Variants in RARB observed in about 807,000 individuals in gnomAD.
RARB encodes the protein retinoic acid receptor beta.
RARB carries 17 observed loss-of-function variants against 51.9 expected under a neutral mutation model. The observed-to-expected ratio is 0.33, with a 90% confidence interval of 0.22 to 0.49. The LOEUF is 0.49. RARB is among the 20% of genes least tolerant of loss of function. The pLI is 0.99. For missense variants in RARB, 369 were observed against 550.8 expected (o/e 0.67, Z 3.30); for synonymous variants, 215 against 195.4 (o/e 1.10, Z -0.84).
intron 5 of RARB, among the ~76,000 whole-genome samples, chr3:25,174,900 G>A (rs1471076860): frequency 6.6e-6 from 1 of 152,212 alleles, no homozygotes; most frequent in South Asian, 2.1e-4. Flanking sequence ...AATGGAAGCA[G>A]TGAATTAGGA....
chr3:25,390,668 TTATC>T (rs1399817035), intron 5 of RARB, among the ~76,000 whole-genome samples: 2 of 152,196 alleles, frequency 1.3e-5, no homozygotes, highest in Admixed American at 1.3e-4. Context: ...CCTATCATAT[TTATC>T]AAGTTTGGGC....
intron 3 of RARB, among the ~76,000 whole-genome samples, chr3:25,069,214 T>TCGA (rs1698722475): frequency 6.6e-6 from 1 of 151,512 alleles, no homozygotes; most frequent in African/African-American, 2.4e-5. Flanking sequence ...AGAAAGATTT[T>TCGA]TTTTTGAGTC....
At chr3:25,189,641 C>G (rs1701051290) in intron 5 of RARB, among the ~76,000 whole-genome samples, 1 of 152,070 alleles carries the variant, frequency 6.6e-6, no homozygotes, top group Admixed American at 6.6e-5. Context: ...AATCCCAGCA[C>G]TTTGAGAAGC....
At chr3:25,130,221 G>A (rs200357810) in intron 3 of RARB, among the ~76,000 whole-genome samples, 82 of 152,156 alleles carry the variant, frequency 5.4e-4, no homozygotes, top group African/African-American at 1.9e-3. Context: ...TCTTTACTGA[G>A]GACTTTTACA....
chr3:24,869,311 G>C (rs1328243236), intron 2 of RARB, among the ~76,000 whole-genome samples: 1 of 152,024 alleles, frequency 6.6e-6, no homozygotes, highest in African/African-American at 2.4e-5. Flanking sequence ...ATTGGAAAAA[G>C]ATTTTAAAGG....
At chr3:24,969,411 G>A (rs1230608019) in intron 2 of RARB, among the ~76,000 whole-genome samples, 8 of 152,066 alleles carry the variant, frequency 5.3e-5, no homozygotes, top group Non-Finnish European at 8.8e-5. Flanking sequence ...TAGTAATGAT[G>A]TCAGTAACAG....
At chr3:24,847,611 C>G (rs1299618400) in intron 1 of RARB, among the ~76,000 whole-genome samples, 1 of 152,188 alleles carries the variant, frequency 6.6e-6, no homozygotes, top group African/African-American at 2.4e-5. Flanking sequence ...AATAGGGTGA[C>G]CAGCTGTCTG....
chr3:25,042,590 G>A (rs1478093644), intron 2 of RARB, among the ~76,000 whole-genome samples: 1 of 152,164 alleles, frequency 6.6e-6, no homozygotes, highest in African/African-American at 2.4e-5. Context: ...GCTTCTGATG[G>A]GATGGGACAG....
chr3:25,432,057 T>C (rs544672407), intron 1 of RARB, among the ~76,000 whole-genome samples: 1 of 152,282 alleles, frequency 6.6e-6, no homozygotes, highest in African/African-American at 2.4e-5. Flanking sequence ...GACATAATTT[T>C]CTGCTTCTCG....
At chr3:25,193,352 C>G (rs918635542) in intron 5 of RARB, among the ~76,000 whole-genome samples, 45 of 151,962 alleles carry the variant, frequency 3.0e-4, no homozygotes, top group African/African-American at 1.0e-3. Flanking sequence ...CAGAGGAAGT[C>G]TGTTAAAAAA....
intron 2 of RARB, among the ~76,000 whole-genome samples, chr3:25,048,450 T>G (rs1698259947): frequency 6.6e-6 from 1 of 152,140 alleles, no homozygotes; most frequent in Non-Finnish European, 1.5e-5. Context: ...TGCAAAATGT[T>G]GTCCTGTTTT....
intron 2 of RARB, among the ~76,000 whole-genome samples, chr3:25,003,193 GC>G (rs1697203134): frequency 7.7e-6 from 1 of 129,276 alleles, no homozygotes. Context: ...AGATCATAAT[GC>G]AAAAAAAAAA....
intron 3 of RARB, among the ~76,000 whole-genome samples, chr3:25,063,406 A>G (rs754354177): frequency 3.9e-5 from 6 of 152,046 alleles, no homozygotes; most frequent in South Asian, 2.1e-4. Context: ...CTTGGACTCA[A>G]TTACATTGTT....
intron 2 of RARB, among the ~76,000 whole-genome samples, chr3:25,488,575 A>G (rs988955618): frequency 6.6e-6 from 1 of 152,146 alleles, no homozygotes; most frequent in African/African-American, 2.4e-5. Flanking sequence ...AGGGTCTGAC[A>G]CCCCATCTTT....
At position 24,987,652 on chromosome 3, in the gene RARB, G is replaced by A. The variant is rs550008896; in HGVS notation, c.-379-72473G>A. The stretch of plus-strand genomic sequence containing the variant: ...GCCCGGTTTTAAGAGAAAAATATAT[G>A]GGAAGATTATTTAGGTCTAAATCCT... On this transcript the variant is annotated intron_variant, in intron 2 of 11. Transcript: ENST00000383772. 1.1e-4 allele frequency among the ~76,000 whole-genome samples: 17 copies of A among 152,286 alleles called. No homozygotes were observed. In the South Asian group the frequency reaches 1.2e-3, roughly 11 times the overall value.
intron 4 of RARB, among the ~76,000 whole-genome samples, chr3:25,166,817 A>G (rs1700568511): frequency 6.6e-6 from 1 of 152,220 alleles, no homozygotes; most frequent in Non-Finnish European, 1.5e-5. Flanking sequence ...TCTCCAAGCT[A>G]GGGTCTTCAA....
At chr3:25,428,049 G>A, upstream of RARB, among the ~76,000 whole-genome samples, 1 of 152,158 alleles carries the variant, frequency 6.6e-6, no homozygotes, top group African/African-American at 2.4e-5. Context: ...TTGTTTTTAA[G>A]GTGAGAAATA....
intron 5 of RARB, among the ~76,000 whole-genome samples, chr3:25,298,208 A>AATC (rs1166656413): frequency 6.7e-6 from 1 of 148,790 alleles, no homozygotes; most frequent in African/African-American, 2.5e-5. Context: ...TTTGAGACGG[A>AATC]ATCTCGCTCT....
intron 3 of RARB, among the ~76,000 whole-genome samples, chr3:25,075,457 G>T (rs556629768): frequency 5.9e-5 from 9 of 152,232 alleles, no homozygotes; most frequent in Admixed American, 4.6e-4. Flanking sequence ...TGAGCCTGGG[G>T]CATTCCTGAG....
Sources: gnomAD v4.1 joint callset for allele counts (sites outside exome capture counted in the v4.1 genomes callset) on GRCh38, gnomAD v4.1.1 for gene constraint, MANE v1.5 for transcripts, NCBI Gene and HGNC (gene_info 2026-07-23, HGNC 2026-07-21) for gene names.